CSNK1G1: variants seen among roughly 807,000 people sequenced by gnomAD.
The protein encoded by CSNK1G1 is casein kinase I isoform gamma-1.
Under a neutral mutation model 59.6 loss-of-function variants are expected in CSNK1G1, and 22 were observed. That is an observed-to-expected ratio of 0.37 (90% CI 0.26 to 0.53). The LOEUF is 0.53. Among genes scored for constraint, CSNK1G1 ranks in the 20% least tolerant of loss-of-function variants. The pLI is 0.89. For missense variants in CSNK1G1, 384 were observed against 519.5 expected (o/e 0.74, Z 2.54); for synonymous variants, 179 against 177.1 (o/e 1.01, Z -0.08).
intron 1 of CSNK1G1, among the ~76,000 whole-genome samples, chr15:64,323,516 C>T (rs987119237): frequency 6.6e-6 from 1 of 152,016 alleles, no homozygotes. Flanking sequence ...CAGGCATGTG[C>T]CACCACGCCC....
chr15:64,300,607 G>C lies in CSNK1G1; in HGVS notation c.-108C>G. The C allele has an allele frequency of 6.9e-7, 1 of 1,441,696 alleles. No homozygotes were observed. Among genetic ancestry groups the C allele is most frequent in the Non-Finnish European group, 9.1e-7 (1 of 1,093,358 alleles). The allele number at this position is 1,441,696 out of a possible 1,614,324, so 89.3% of individuals were successfully genotyped here. A position where few individuals can be genotyped will look rare whatever the true frequency, so the allele number is the denominator to read the frequency against. On this transcript the variant is annotated 5_prime_UTR_variant, in exon 2 of 12. Coordinates refer to ENST00000303052, the MANE Select transcript of CSNK1G1 (RefSeq NM_022048.5). ...TAAATTGTAGTCAGAGAAAGGTAAG[G>C]AGTTCTTTTAGCACCATATTTGTTT...
chr15:64,227,407 A>G (rs2082477232), intron 4 of CSNK1G1, among the ~76,000 whole-genome samples: 1 of 152,216 alleles, frequency 6.6e-6, no homozygotes, highest in South Asian at 2.1e-4. Context: ...TGCTGTTCCC[A>G]TATGTAGGTA....
At chr15:64,305,538 G>A (rs1007354635) in intron 1 of CSNK1G1, among the ~76,000 whole-genome samples, 12 of 151,608 alleles carry the variant, frequency 7.9e-5, no homozygotes, top group African/African-American at 2.4e-4. Context: ...GCAACAAAAC[G>A]AGATCCTGTC....
intron 11 of CSNK1G1, among the ~76,000 whole-genome samples, chr15:64,173,857 A>G (rs997639051): frequency 2.0e-5 from 3 of 150,980 alleles, no homozygotes; most frequent in African/African-American, 7.3e-5. Flanking sequence ...CAAATGATCC[A>G]CCTGCCTCGG....
intron 4 of CSNK1G1, among the ~76,000 whole-genome samples, chr15:64,240,496 T>A (rs1208282818): frequency 2.6e-5 from 4 of 151,934 alleles, no homozygotes; most frequent in Non-Finnish European, 5.9e-5. Context: ...ATTACAGTCC[T>A]AAATTGTGAA....
At chr15:64,204,080 T>G (rs1450702724) in intron 9 of CSNK1G1, among the ~76,000 whole-genome samples, 1 of 151,022 alleles carries the variant, frequency 6.6e-6, no homozygotes, top group Non-Finnish European at 1.5e-5. Context: ...GAGGCGGAGG[T>G]TGCAGTGAGC....
rs551327039 is a variant in CSNK1G1, at chr15:64,255,656, T to A, written c.222+3545A>T. The stretch of plus-strand genomic sequence containing the variant: ...TTTCTTAGGCAAAGTAATTTCAAAT[T>A]CCTTTCACCTTTCCTCATTGGTCCT... On this transcript the variant is annotated intron_variant, in intron 3 of 11. Transcript: ENST00000303052. 5.9e-5 allele frequency among the ~76,000 whole-genome samples: 9 copies of A among 152,332 alleles called. 1 individual carries two copies. Among genetic ancestry groups the A allele is most frequent in the African/African-American group, 1.9e-4 (8 of 41,582 alleles).
intron 4 of CSNK1G1, among the ~76,000 whole-genome samples, chr15:64,244,783 A>C (rs1301300103): frequency 6.6e-6 from 1 of 152,140 alleles, no homozygotes; most frequent in Admixed American, 6.5e-5. Flanking sequence ...ACATCACTGC[A>C]CTACAGCCTG....
At chr15:64,178,737 C>T (rs2081771959) in intron 11 of CSNK1G1, among the ~76,000 whole-genome samples, 1 of 152,024 alleles carries the variant, frequency 6.6e-6, no homozygotes, top group African/African-American at 2.4e-5. Flanking sequence ...GCCTCAGCTT[C>T]CCAAAGTGCT....
chr15:64,246,452 T>G (rs190424656), intron 4 of CSNK1G1, among the ~76,000 whole-genome samples: 9 of 152,056 alleles, frequency 5.9e-5, no homozygotes. Context: ...TGAGACTCCA[T>G]CCCTACAAAA....
chr15:64,277,718 T>C (rs1893769503), intron 2 of CSNK1G1, among the ~76,000 whole-genome samples: 1 of 130,752 alleles, frequency 7.6e-6, no homozygotes, highest in Non-Finnish European at 1.5e-5. Context: ...TTAATATTGA[T>C]ATATTTAATA....
intron 11 of CSNK1G1, among the ~76,000 whole-genome samples, chr15:64,179,657 A>T (rs2081785686): frequency 6.6e-6 from 1 of 152,236 alleles, no homozygotes; most frequent in African/African-American, 2.4e-5. Context: ...TTGCAGCAGA[A>T]TTGGCAGTTA....
chr15:64,267,817 T>C lies in CSNK1G1; in HGVS notation c.182-8576A>G, dbSNP rs890405411. On this transcript the variant is annotated intron_variant, in intron 2 of 11. Transcript: ENST00000303052. ...ACTACTGGGTATATATTCAAAGGAA[T>C]TGAAACCAGTATGTCAGCCAGACAT... Among the ~76,000 whole-genome samples, 21 of 152,244 alleles carry C rather than the reference T, an allele frequency of 1.4e-4. 1 individual carries two copies. The highest frequency in any genetic ancestry group is 1.2e-3 in the South Asian group (6 of 4,832).
Position 64,216,448 on chromosome 15 carries a change from C to A in CSNK1G1, c.444+114G>T, listed in dbSNP as rs72756938. 55,794 of 1,033,382 alleles carry A rather than the reference C, an allele frequency of 0.054. 1,766 individuals are homozygous for A. The highest frequency in any genetic ancestry group is 0.09 in the Middle Eastern group (397 of 4,404). The allele number at this position is 1,033,382 out of a possible 1,614,324, so 64.0% of individuals were successfully genotyped here. On this transcript the variant is annotated intron_variant, in intron 5 of 11. Coordinates refer to ENST00000303052, the MANE Select transcript of CSNK1G1 (RefSeq NM_022048.5). This position sits in a 1 kb window ranked among gnomAD's most constrained non-coding sequence, Gnocchi z 4.6. ...GCCAGCTTCCCAGAATGCCATCAAG[C>A]CTGTGAGTACTAATTCTTGATGTGT...
Position 64,165,710 on chromosome 15 carries a change from T to C in CSNK1G1, c.*6221A>G, listed in dbSNP as rs1052437979. The stretch of plus-strand genomic sequence containing the variant: ...GGGAGATTAAAAACAGACAAACCAA[T>C]CAACCAACCAAACAAGCAGAAGTAG... On this transcript the variant is annotated 3_prime_UTR_variant, in exon 12 of 12. Coordinates refer to ENST00000303052, the MANE Select transcript of CSNK1G1 (RefSeq NM_022048.5). 2.4e-5 allele frequency: 6 copies of C among 245,378 alleles called. No individual in the cohort carries two copies. The highest frequency in any genetic ancestry group is 4.6e-5 in the Non-Finnish European group (6 of 129,270). The allele number at this position is 245,378 out of a possible 1,614,324, so 15.2% of individuals were successfully genotyped here.
intron 11 of CSNK1G1, among the ~76,000 whole-genome samples, chr15:64,177,154 C>T (rs2140204739): frequency 6.6e-6 from 1 of 152,298 alleles, no homozygotes; most frequent in South Asian, 2.1e-4. Flanking sequence ...CACCTTTACA[C>T]TAAACAAGCT....
chr15:64,167,621 A>G lies in CSNK1G1; in HGVS notation c.*4310T>C, dbSNP rs1309456769. 6.5e-6 allele frequency: 1 copy of G among 152,732 alleles called. No homozygotes were observed. Among genetic ancestry groups the G allele is most frequent in the South Asian group, 2.1e-4 (1 of 4,832 alleles). The allele number at this position is 152,732 out of a possible 1,614,324, so 9.5% of individuals were successfully genotyped here. On this transcript the variant is annotated 3_prime_UTR_variant, in exon 12 of 12. Transcript: ENST00000303052. ...GCGTGGCAAAGGCAATGTTGGCTGT[A>G]TGGTGTTGCAGGCTCCCAATCTGAG...
Position 64,214,117 on chromosome 15 carries a change from C to T in CSNK1G1, c.452G>A (p.Arg151Gln), listed in dbSNP as rs377487424. 12 of 1,609,554 alleles carry T rather than the reference C, an allele frequency of 7.5e-6. No homozygotes were observed. The highest frequency in any genetic ancestry group is 1.3e-5 in the African/African-American group (1 of 74,752). The stretch of plus-strand genomic sequence containing the variant: ...GTTCTTTGAGTGCACGTATTCCATT[C>T]GAGAAAGCTGAAAGAGAAACAAATG... ...VLMIAIQLLS[R>Q]MEYVHSKNLI... is the part of the protein sequence containing the mutation. The change falls in exon 6 of 12, where the codon CGA (arginine) becomes CAA (glutamine). Residue 151 changes from arginine to glutamine, a missense_variant. Physicochemically the swap from Arg to Gln is conservative, Grantham distance 43 (BLOSUM62 1). Transcript: ENST00000303052. The surrounding 1 kb of genome is among the most constrained non-coding windows in gnomAD (Gnocchi z 4.3).
At chr15:64,299,314 C>T (rs1373195048) in intron 2 of CSNK1G1, among the ~76,000 whole-genome samples, 2 of 152,056 alleles carry the variant, frequency 1.3e-5, no homozygotes, top group East Asian at 1.9e-4. Context: ...AATGGCCGGG[C>T]GCGGTGGCTC....
Sources: gnomAD v4.1 joint callset for allele counts (sites outside exome capture counted in the v4.1 genomes callset) on GRCh38, gnomAD v4.1.1 for gene constraint, Gnocchi (gnomAD v3.1) non-coding constraint, MANE v1.5 for transcripts, NCBI Gene and HGNC (gene_info 2026-07-23, HGNC 2026-07-21) for gene names.